Variants in CEP83 observed in about 807,000 individuals in gnomAD.
The protein encoded by CEP83 is centrosomal protein of 83 kDa.
In CEP83, 70 loss-of-function variants were observed where a neutral mutation model predicts 101.9. That is an observed-to-expected ratio of 0.69 (90% CI 0.57 to 0.84). The LOEUF is 0.84. CEP83 is among the 40% of genes least tolerant of loss of function. The pLI, the probability that CEP83 is intolerant of heterozygous loss-of-function variation, is 0.00. For missense variants in CEP83, 715 were observed against 787.2 expected (o/e 0.91, Z 1.10); for synonymous variants, 264 against 267.9 (o/e 0.99, Z 0.14).
chr12:94,386,624 C>T (rs2062163780), intron 6 of CEP83, among the ~76,000 whole-genome samples: 1 of 152,134 alleles, frequency 6.6e-6, no homozygotes, highest in Admixed American at 6.5e-5. Flanking sequence ...CAGATCTGCC[C>T]TGTGCTGCCT....
chr12:94,403,173 A>G lies in CEP83; in HGVS notation c.414T>C (p.Asp138=), dbSNP rs529973982. ...GTAAACAACATAAGTTACTTACTTC[A>G]TCTAGATTCCTAAAACGTTCTCTCA... ...TPMRERFRNL[D]EEVEKYRAVY... is the part of the protein sequence containing the mutation. The change falls in exon 5 of 17, where the codon GAT becomes GAC. Residue 138 remains aspartate, a synonymous_variant. Coordinates refer to ENST00000397809, the MANE Select transcript of CEP83 (RefSeq NM_016122.3). The G allele has an allele frequency of 3.4e-6, 5 of 1,476,002 alleles. No homozygotes were observed. The Admixed American group carries it at 6.8e-5, about 20-fold the overall frequency. The allele number at this position is 1,476,002 out of a possible 1,614,324, so 91.4% of individuals were successfully genotyped here. A position where few individuals can be genotyped will look rare whatever the true frequency, so the allele number is the denominator to read the frequency against.
chr12:94,278,734 A>C, the CEP83 span, among the ~76,000 whole-genome samples: 1 of 152,190 alleles, frequency 6.6e-6, no homozygotes, highest in Non-Finnish European at 1.5e-5. Context: ...ACAGTGGCTC[A>C]CGCCTGTAAT....
chr12:94,334,100 A>G (rs1273503856), intron 12 of CEP83, among the ~76,000 whole-genome samples: 2 of 152,158 alleles, frequency 1.3e-5, no homozygotes, highest in East Asian at 3.8e-4. Flanking sequence ...GAGATCAGCA[A>G]CCTTCCAGAA....
At chr12:94,427,263 T>G (rs1593976703) in intron 2 of CEP83, among the ~76,000 whole-genome samples, 1 of 152,212 alleles carries the variant, frequency 6.6e-6, no homozygotes, top group East Asian at 1.9e-4. Context: ...ATACAGAAAT[T>G]CATATTGAAA....
the CEP83 span, among the ~76,000 whole-genome samples, chr12:94,284,549 A>C: frequency 6.6e-6 from 1 of 152,110 alleles, no homozygotes; most frequent in Non-Finnish European, 1.5e-5. Context: ...ATAGTTTTGC[A>C]ATGGCGATTT....
chr12:94,343,253 T>A (rs1477479914), intron 11 of CEP83, among the ~76,000 whole-genome samples: 9 of 151,934 alleles, frequency 5.9e-5, no homozygotes, highest in Admixed American at 5.9e-4. Flanking sequence ...ATGTCCAGAA[T>A]GCGAACTTAA....
chr12:94,300,807 T>C, the CEP83 span: 119,086 of 1,073,256 alleles, frequency 0.11, 7,284 homozygotes, highest in Admixed American at 0.18. Flanking sequence ...AGTTGTATAC[T>C]TCAATAACAA....
chr12:94,320,515 T>A (rs1228699366), intron 14 of CEP83, among the ~76,000 whole-genome samples: 1 of 152,108 alleles, frequency 6.6e-6, no homozygotes, highest in African/African-American at 2.4e-5. Flanking sequence ...AGCAGAATCA[T>A]GGTAACCATC....
At chr12:94,368,033 A>C (rs1230685804) in intron 10 of CEP83, 24 bp downstream of exon 10, 2 of 1,608,516 alleles carry the variant, frequency 1.2e-6, no homozygotes, top group Admixed American at 1.7e-5. Context: ...TATTTAAGTC[A>C]AACTAAGGTA....
chr12:94,272,447 A>C, the CEP83 span: 9 of 152,250 alleles, frequency 5.9e-5, no homozygotes, highest in African/African-American at 2.2e-4. Context: ...TATCCACTTA[A>C]TGTCATCGGC....
chr12:94,435,963 C>T (rs1387800900), intron 1 of CEP83, among the ~76,000 whole-genome samples: 3 of 152,052 alleles, frequency 2.0e-5, no homozygotes, highest in Non-Finnish European at 4.4e-5. Flanking sequence ...TGCTGGGTGG[C>T]TAGACCCAGA....
chr12:94,398,843 G>A (rs2063068852), intron 6 of CEP83, among the ~76,000 whole-genome samples: 1 of 152,068 alleles, frequency 6.6e-6, no homozygotes, highest in African/African-American at 2.4e-5. Context: ...TCTATAAACG[G>A]CTGCTCTGGG....
intron 7 of CEP83, among the ~76,000 whole-genome samples, chr12:94,376,417 G>A (rs544638541): frequency 1.3e-5 from 2 of 151,862 alleles, no homozygotes; most frequent in African/African-American, 4.8e-5. Context: ...CTCATTGATA[G>A]TAACAAGTAA....
In CEP83 at chr12:94,409,757, T is replaced by C. The variant is rs558683773; in HGVS notation, c.324+1940A>G. Among the ~76,000 whole-genome samples the C allele has an allele frequency of 5.3e-5, 8 of 152,276 alleles. No homozygotes were observed. In the East Asian group the frequency reaches 1.5e-3, roughly 29 times the overall value. ...CCTAAAATCTGCAGGGAAGAAACTT[T>C]CCTTGCCTCTTTCTAGCTTCTGGAG... On this transcript the variant is annotated intron_variant, in intron 4 of 16. Transcript: ENST00000397809.
At chr12:94,278,153 AAC>A in the CEP83 span, 1 of 396,148 alleles carries the variant, frequency 2.5e-6, no homozygotes, top group Non-Finnish European at 5.1e-6. Flanking sequence ...AACCAAAAAA[AAC>A]AAAACAAAAT....
In CEP83 at chr12:94,432,058, C is replaced by CTT. The variant is rs200437957; in HGVS notation, c.-102+3215_-102+3216dup. Among the ~76,000 whole-genome samples the CTT allele has an allele frequency of 9.0e-4, 129 of 143,268 alleles. 1 individual carries two copies. The highest frequency in any genetic ancestry group is 3.0e-3 in the African/African-American group (119 of 39,238). 94.0% of individuals were successfully genotyped at this position (143,268 alleles called of 152,430 possible). On this transcript the variant is annotated intron_variant, in intron 2 of 16. Coordinates refer to ENST00000397809, the MANE Select transcript of CEP83 (RefSeq NM_016122.3). The stretch of plus-strand genomic sequence containing the variant: ...GTGTCCATTAATGGATTAACTTTTT[C>CTT]TTTTTTTTTTTTTTGAGACGGAGTC...
the CEP83 span, among the ~76,000 whole-genome samples, chr12:94,296,254 G>A: frequency 1.3e-5 from 2 of 152,108 alleles, no homozygotes; most frequent in Admixed American, 6.5e-5. Context: ...TCAACCTGCT[G>A]GGCTCAAATG....
At chr12:94,277,456 A>T in the CEP83 span, among the ~76,000 whole-genome samples, 11 of 152,288 alleles carry the variant, frequency 7.2e-5, no homozygotes, top group African/African-American at 2.2e-4. Context: ...GTGGTCCATA[A>T]GTCACGGGCT....
At chr12:94,309,014 C>T (rs1204487934) in intron 16 of CEP83, 97 bp from the exon 17 acceptor site, 2 of 779,956 alleles carry the variant, frequency 2.6e-6, no homozygotes, top group East Asian at 5.0e-5. Context: ...CCTATAACAT[C>T]TGGCAAGGAA....
Sources: allele counts gnomAD v4.1 joint callset (sites outside exome capture counted in the v4.1 genomes callset), GRCh38; gene constraint gnomAD v4.1.1; transcripts MANE v1.5; gene names NCBI Gene and HGNC (gene_info 2026-07-23, HGNC 2026-07-21).